C2CD5: variants seen among roughly 807,000 people sequenced by gnomAD.
C2CD5 encodes C2 calcium dependent domain containing 5.
In C2CD5, 109 loss-of-function variants were observed where a neutral mutation model predicts 130.3. That is an observed-to-expected ratio of 0.84 (90% CI 0.72 to 0.98). C2CD5 has a LOEUF of 0.98. Ranked by LOEUF, C2CD5 falls within the 50% of genes least tolerant of loss-of-function variation. C2CD5 has a pLI of 0.00. For synonymous variants in C2CD5, 454 were observed against 429.2 expected, an observed-to-expected ratio of 1.06 and a Z score of -0.71; for missense variants, 996 against 1,261.8, an observed-to-expected ratio of 0.79 and a Z score of 3.19.
intron 15 of C2CD5, among the ~76,000 whole-genome samples, chr12:22,477,044 A>C (rs1943947256): frequency 6.6e-6 from 1 of 152,174 alleles, no homozygotes; most frequent in Non-Finnish European, 1.5e-5. Flanking sequence ...CATTTTAAAG[A>C]AGCCCTAAGT....
At chr12:22,456,539 G>A (rs1003564723) in intron 25 of C2CD5, among the ~76,000 whole-genome samples, 1 of 152,150 alleles carries the variant, frequency 6.6e-6, no homozygotes, top group Non-Finnish European at 1.5e-5. Flanking sequence ...AGTAAAAAAT[G>A]AGCAGCTTCA....
At chr12:22,509,256 T>C (rs900906647) in intron 9 of C2CD5, among the ~76,000 whole-genome samples, 15 of 152,226 alleles carry the variant, frequency 9.9e-5, no homozygotes, top group African/African-American at 3.4e-4. Context: ...TACTTCCTTT[T>C]TCCTTCTAAA....
At chr12:22,499,180 T>C (rs948474859) in intron 10 of C2CD5, among the ~76,000 whole-genome samples, 1 of 152,220 alleles carries the variant, frequency 6.6e-6, no homozygotes, top group African/African-American at 2.4e-5. Flanking sequence ...AATTGCTATG[T>C]AGAATTTTAG....
At chr12:22,463,185 G>C (rs1194952797) in intron 22 of C2CD5, among the ~76,000 whole-genome samples, 1 of 151,802 alleles carries the variant, frequency 6.6e-6, no homozygotes, top group African/African-American at 2.4e-5. Context: ...TCAGGAGTTC[G>C]AGACCAGCCT....
intron 10 of C2CD5, among the ~76,000 whole-genome samples, chr12:22,503,416 ATAATTACT>A (rs1948059959): frequency 6.6e-6 from 1 of 152,212 alleles, no homozygotes; most frequent in Non-Finnish European, 1.5e-5. Context: ...TTCTTCATAA[ATAATTACT>A]TAAGAGGCCT....
chr12:22,468,987 A>G (rs1004388392), intron 22 of C2CD5, among the ~76,000 whole-genome samples: 2 of 152,226 alleles, frequency 1.3e-5, no homozygotes, highest in Non-Finnish European at 2.9e-5. Flanking sequence ...AGTGAAAAAC[A>G]CATACTACAT....
chr12:22,515,493 T>A (rs1195334846), intron 8 of C2CD5, among the ~76,000 whole-genome samples: 1 of 152,182 alleles, frequency 6.6e-6, no homozygotes, highest in Non-Finnish European at 1.5e-5. Context: ...TTTGTAAGAT[T>A]CAAATGTACC....
Position 22,449,100 on chromosome 12 carries a change from T to G in C2CD5, c.*660A>C, listed in dbSNP as rs578139618. Reference sequence around the variant, plus strand: ...CCAGTTATAAAATTATATAATAATCTTTTCCTCCCTCCTTAGAGACAGTAT... The same window carrying G: ...CCAGTTATAAAATTATATAATAATCGTTTCCTCCCTCCTTAGAGACAGTAT... On this transcript the variant is annotated 3_prime_UTR_variant, in exon 27 of 27. Transcript: ENST00000446597. 1 of 152,282 alleles carries G rather than the reference T, an allele frequency of 6.6e-6. No individual in the cohort carries two copies. Among genetic ancestry groups the G allele is most frequent in the South Asian group, 2.1e-4 (1 of 4,828 alleles). 9.4% of individuals were successfully genotyped at this position (152,282 alleles called of 1,614,324 possible).
intron 10 of C2CD5, among the ~76,000 whole-genome samples, chr12:22,493,768 A>G (rs1177421812): frequency 2.6e-5 from 4 of 151,920 alleles, no homozygotes; most frequent in Non-Finnish European, 5.9e-5. Context: ...TATTTTTATA[A>G]CTCACTATAT....
At chr12:22,484,108 G>C (rs1591793849) in intron 13 of C2CD5, among the ~76,000 whole-genome samples, 1 of 152,070 alleles carries the variant, frequency 6.6e-6, no homozygotes, top group Admixed American at 6.6e-5. Context: ...CATAAAGGTA[G>C]GAAAACATAG....
intron 4 of C2CD5, among the ~76,000 whole-genome samples, chr12:22,525,978 T>C (rs1950682855): frequency 6.6e-6 from 1 of 152,180 alleles, no homozygotes. Context: ...CGGTGCACAT[T>C]TGAGATAGGC....
At chr12:22,478,638 G>C (rs968960736) in intron 14 of C2CD5, among the ~76,000 whole-genome samples, 161 bp from the exon 15 acceptor site, 2 of 152,134 alleles carry the variant, frequency 1.3e-5, no homozygotes, top group African/African-American at 4.8e-5. Context: ...TTGAGGTCAG[G>C]AGTTTGAGAC....
At chr12:22,476,587 T>C (rs184791598) in intron 15 of C2CD5, among the ~76,000 whole-genome samples, 77 of 152,230 alleles carry the variant, frequency 5.1e-4, no homozygotes, top group African/African-American at 1.8e-3. Context: ...ACTTAATTCA[T>C]AGTCTTATTT....
At chr12:22,505,489 G>T (rs1460942067) in intron 10 of C2CD5, among the ~76,000 whole-genome samples, 1 of 151,842 alleles carries the variant, frequency 6.6e-6, no homozygotes, top group Non-Finnish European at 1.5e-5. Context: ...TTTTATAGCT[G>T]TCAATACAAG....
Position 22,541,915 on chromosome 12 carries a change from C to G in C2CD5, c.90+2146G>C, listed in dbSNP as rs1057345440. 1.1e-4 allele frequency among the ~76,000 whole-genome samples: 17 copies of G among 152,218 alleles called. 2 individuals carry two copies. The highest frequency in any genetic ancestry group is 1.1e-3 in the Admixed American group (17 of 15,282). On this transcript the variant is annotated intron_variant, in intron 2 of 26. Coordinates refer to ENST00000446597, the MANE Select transcript of C2CD5 (RefSeq NM_001286176.2). The stretch of plus-strand genomic sequence containing the variant: ...GTATATACATCGGCTAGACCAGTAA[C>G]TAGCCCAGAGCCTGGCAAACGGCAG...
chr12:22,478,272 C>T (rs1216742206), intron 15 of C2CD5, 41 bp downstream of exon 15: 6 of 1,514,308 alleles, frequency 4.0e-6, no homozygotes, highest in Admixed American at 3.3e-5. Flanking sequence ...TACTAATAAA[C>T]AATAACTGAT....
At chr12:22,488,371 A>AT (rs1180945966) in intron 12 of C2CD5, among the ~76,000 whole-genome samples, 1 of 151,968 alleles carries the variant, frequency 6.6e-6, no homozygotes, top group Non-Finnish European at 1.5e-5. Flanking sequence ...AACTCTCCAA[A>AT]TTTTTTCTAA....
chr12:22,451,832 A>G (rs567576228), intron 26 of C2CD5, among the ~76,000 whole-genome samples: 2 of 152,192 alleles, frequency 1.3e-5, no homozygotes, highest in Non-Finnish European at 2.9e-5. Context: ...CTTGTATGAC[A>G]TATTAAGAAG....
In C2CD5 at chr12:22,482,726, T is replaced by C; in HGVS notation, c.1568A>G (p.Lys523Arg). 6.2e-7 allele frequency: 1 copy of C among 1,612,954 alleles called. No individual in the cohort carries two copies. Among genetic ancestry groups the C allele is most frequent in the African/African-American group, 1.3e-5 (1 of 75,044 alleles). ...AGCATTTGCTTCTGCCTGTGCTTTCTTTTTTAAGCGACATAACCTGTAAAG... is the reference window on the plus strand; with the variant it reads ...AGCATTTGCTTCTGCCTGTGCTTTCCTTTTTAAGCGACATAACCTGTAAAG... Reference protein sequence around the residue: ...LIQARLCRLKKKAQAEANATA... With the variant: ...LIQARLCRLKRKAQAEANATA... Residue 523 changes from lysine to arginine, a missense_variant, in exon 14 of 27, where the codon AAG becomes AGG. This residue lies in a region of C2CD5 where 590 missense variants were observed against 631.4 expected (regional missense o/e 0.93). Coordinates refer to ENST00000446597, the MANE Select transcript of C2CD5 (RefSeq NM_001286176.2).
Sources: gnomAD v4.1 joint callset for allele counts (sites outside exome capture counted in the v4.1 genomes callset) on GRCh38, gnomAD v4.1.1 for gene constraint, gnomAD v4.1.1 regional missense constraint, MANE v1.5 for transcripts, NCBI Gene and HGNC (gene_info 2026-07-23, HGNC 2026-07-21) for gene names.